ATG7: variants seen among roughly 807,000 people sequenced by gnomAD.
ATG7 encodes ubiquitin-like modifier-activating enzyme ATG7.
In ATG7, 70 loss-of-function variants were observed where a neutral mutation model predicts 82.4. That is an observed-to-expected ratio of 0.85 (90% CI 0.70 to 1.04). The LOEUF is 1.04. Among genes scored for constraint, ATG7 ranks in the 50% least tolerant of loss-of-function variants. The probability of loss-of-function intolerance (pLI) is 0.00; values close to 1 mark genes in which losing one functional copy is unlikely to be tolerated. For missense variants in ATG7, 792 were observed against 864.3 expected (o/e 0.92, Z 1.05); for synonymous variants, 287 against 313.0 (o/e 0.92, Z 0.88).
At chr3:11,293,496 A>G (rs1457104040) in intron 3 of ATG7, among the ~76,000 whole-genome samples, 2 of 143,386 alleles carry the variant, frequency 1.4e-5, no homozygotes, top group Non-Finnish European at 1.5e-5. Flanking sequence ...GTGCCACTAC[A>G]CTCCAGCCTG....
At chr3:11,390,344 C>T (rs1007472338) in intron 19 of ATG7, among the ~76,000 whole-genome samples, 1 of 152,168 alleles carries the variant, frequency 6.6e-6, no homozygotes, top group Non-Finnish European at 1.5e-5. Flanking sequence ...CATGTGTCTC[C>T]CAGCTCTATT....
intron 20 of ATG7, among the ~76,000 whole-genome samples, chr3:11,489,147 G>A (rs7618732): frequency 0.028 from 4,257 of 152,252 alleles, 195 homozygotes; most frequent in African/African-American, 0.097. Flanking sequence ...TGTATGTGTC[G>A]AGGAATTTAT....
chr3:11,497,804 TATA>T (rs1466801075), intron 20 of ATG7, among the ~76,000 whole-genome samples: 1 of 152,078 alleles, frequency 6.6e-6, no homozygotes, highest in Non-Finnish European at 1.5e-5. Context: ...TCACTGCTAT[TATA>T]ATAATAATAG....
rs191343512 is a variant in ATG7 at position 11,406,092 on chromosome 3, C to T, written c.1957-20712C>T. ...GCAACCTCTGCCTCCCAGGCTCAAG[C>T]GATCCTCTCACCTCAGTCTCCCAAG... On this transcript the variant is annotated intron_variant, in intron 19 of 20. Coordinates refer to ENST00000693202, the MANE Select transcript of ATG7 (RefSeq NM_001349232.2). Among the ~76,000 whole-genome samples, 23 of 151,540 alleles carry T rather than the reference C, an allele frequency of 1.5e-4. No homozygotes were observed. The East Asian group carries it at 2.3e-3, about 15-fold the overall frequency.
intron 20 of ATG7, among the ~76,000 whole-genome samples, chr3:11,508,398 T>C (rs1013551397): frequency 2.0e-5 from 3 of 152,136 alleles, no homozygotes; most frequent in Admixed American, 1.3e-4. Flanking sequence ...TGTGTTGGGC[T>C]GCATTCAAAG....
At chr3:11,342,066 C>G in intron 12 of ATG7, 69 bp from the exon 13 acceptor site, 1 of 1,472,414 alleles carries the variant, frequency 6.8e-7, no homozygotes, top group African/African-American at 1.4e-5. Flanking sequence ...TGCATAGCCA[C>G]TTGAAATCTT....
chr3:11,352,296 G>A (rs2152798742), intron 14 of ATG7, among the ~76,000 whole-genome samples: 1 of 152,260 alleles, frequency 6.6e-6, no homozygotes, highest in East Asian at 1.9e-4. Flanking sequence ...ATTGTGAATA[G>A]TGCCGCAATA....
At chr3:11,303,803 G>A (rs549695725) in intron 5 of ATG7, among the ~76,000 whole-genome samples, 250 of 151,680 alleles carry the variant, frequency 1.6e-3, no homozygotes, top group African/African-American at 4.8e-3. Context: ...GGCCGGGCGC[G>A]GTGGCTCACG....
At chr3:11,306,870 A>G in intron 5 of ATG7, 73 bp from the exon 6 acceptor site, 1 of 1,127,290 alleles carries the variant, frequency 8.9e-7, no homozygotes, top group Non-Finnish European at 1.3e-6. Flanking sequence ...ATCCCACTAC[A>G]GTGGTGGTTG....
At chr3:11,453,884 A>T (rs1188858517) in intron 20 of ATG7, among the ~76,000 whole-genome samples, 1 of 152,156 alleles carries the variant, frequency 6.6e-6, no homozygotes, top group Non-Finnish European at 1.5e-5. Context: ...TGGTCAGCTG[A>T]CTGCTCCATC....
chr3:11,331,530 A>G (rs568496492), intron 10 of ATG7, 102 bp downstream of exon 10: 78 of 1,033,148 alleles, frequency 7.5e-5, no homozygotes, highest in African/African-American at 6.9e-4. Flanking sequence ...TAAATGCATT[A>G]TTTTTTCATT....
intron 9 of ATG7, among the ~76,000 whole-genome samples, chr3:11,315,809 C>G (rs1949326429): frequency 6.6e-6 from 1 of 152,186 alleles, no homozygotes. Context: ...TTACTGCAAC[C>G]TCTGCCTTCC....
intron 20 of ATG7, among the ~76,000 whole-genome samples, chr3:11,437,850 A>T (rs1383740465): frequency 6.6e-6 from 1 of 152,236 alleles, no homozygotes; most frequent in Admixed American, 6.5e-5. Flanking sequence ...GAATATAGAC[A>T]TTCTCTGATG....
intron 20 of ATG7, among the ~76,000 whole-genome samples, chr3:11,516,914 CTG>C (rs2092298862): frequency 6.6e-6 from 1 of 152,116 alleles, no homozygotes; most frequent in African/African-American, 2.4e-5. Flanking sequence ...GAAACCCCGT[CTG>C]TACTAAAAAT....
rs573124550 is a variant in ATG7 at position 11,413,957 on chromosome 3, GT to G, written c.1957-12843del. ...TTTCCTTGTGATTTCATTCTGATGG[GT>G]TTTGTGTTTCTAGGAATTTGTCTGT... On this transcript the variant is annotated intron_variant, in intron 19 of 20. Transcript: ENST00000693202. 2.7e-3 allele frequency among the ~76,000 whole-genome samples: 403 copies of G among 152,046 alleles called. 4 individuals carry two copies. Among genetic ancestry groups the G allele is most frequent in the Non-Finnish European group, 7.4e-4 (50 of 67,966 alleles).
chr3:11,399,434 G>T (rs540924198), intron 19 of ATG7, among the ~76,000 whole-genome samples: 1 of 152,264 alleles, frequency 6.6e-6, no homozygotes, highest in South Asian at 2.1e-4. Context: ...TTATTAAGGA[G>T]GCAGGCAGAT....
chr3:11,312,268 C>T (rs1229157438), intron 7 of ATG7, among the ~76,000 whole-genome samples: 1 of 152,134 alleles, frequency 6.6e-6, no homozygotes, highest in African/African-American at 2.4e-5. Context: ...ACATAAACTG[C>T]ATTCATATTC....
intron 14 of ATG7, among the ~76,000 whole-genome samples, chr3:11,351,379 G>A (rs1041268859): frequency 9.2e-5 from 14 of 152,238 alleles, no homozygotes; most frequent in Non-Finnish European, 1.8e-4. Flanking sequence ...CCTGAAGGAT[G>A]AGTGGGAGTT....
chr3:11,571,378 T>C, the ATG7 span, among the ~76,000 whole-genome samples: 1 of 152,082 alleles, frequency 6.6e-6, no homozygotes, highest in African/African-American at 2.4e-5. Context: ...ACGTAATGTT[T>C]CCCCCATTAA....
Sources: allele counts gnomAD v4.1 joint callset (sites outside exome capture counted in the v4.1 genomes callset), GRCh38; gene constraint gnomAD v4.1.1; transcripts MANE v1.5; gene names NCBI Gene and HGNC (gene_info 2026-07-23, HGNC 2026-07-21).